TRIOBP: variants seen among roughly 807,000 people sequenced by gnomAD.
TRIOBP encodes TRIO and F-actin binding protein, also known as TRIO and F-actin-binding protein.
Under a neutral mutation model 238.8 loss-of-function variants are expected in TRIOBP, and 169 were observed. That is an observed-to-expected ratio of 0.71 (90% CI 0.62 to 0.80). The LOEUF is 0.80. Among genes scored for constraint, TRIOBP ranks in the 30% least tolerant of loss-of-function variants. The pLI is 0.00. For synonymous variants in TRIOBP, 1,150 were observed against 1,274.4 expected (o/e 0.90, Z 2.08); for missense variants, 2,838 against 3,122.6 (o/e 0.91, Z 2.17).
intron 8 of TRIOBP, 123 bp downstream of exon 8, chr22:37,733,535 A>T: frequency 4.0e-6 from 3 of 746,590 alleles, no homozygotes; most frequent in Non-Finnish European, 2.3e-6. Context: ...TCGGAGTCCA[A>T]TCATGGGGAT....
intron 7 of TRIOBP, among the ~76,000 whole-genome samples, chr22:37,728,377 T>G (rs1407358730): frequency 6.6e-6 from 1 of 151,958 alleles, no homozygotes; most frequent in Non-Finnish European, 1.5e-5. Flanking sequence ...GAGTTTGCAG[T>G]GAGCTGAGAT....
chr22:37,768,941 T>C, intron 19 of TRIOBP, 87 bp from the exon 20 acceptor site: 1 of 1,595,474 alleles, frequency 6.3e-7, no homozygotes, highest in South Asian at 1.1e-5. Flanking sequence ...CCCAGAGTCC[T>C]GGGATGCTTT....
At chr22:37,759,874 A>G (rs1184269179) in intron 17 of TRIOBP, 5 of 611,576 alleles carry the variant, frequency 8.2e-6, no homozygotes, top group African/African-American at 1.9e-5. Context: ...GTACACATAT[A>G]TAAGTTTATT....
rs1926914402 is a variant in TRIOBP, at chr22:37,773,939, GAC to G, written c.*165_*166del. ...ACACACACACACACACACACACACA[GAC>G]ACACAGACACATACGCACACACGTG... On this transcript the variant is annotated 3_prime_UTR_variant, in exon 24 of 24. Coordinates refer to ENST00000644935, the MANE Select transcript of TRIOBP (RefSeq NM_001039141.3). 3.5e-5 allele frequency: 3 copies of G among 86,954 alleles called. No homozygotes were observed. The highest frequency in any genetic ancestry group is 2.9e-4 in the East Asian group (1 of 3,470). The allele number at this position is 86,954 out of a possible 1,614,324, so 5.4% of individuals were successfully genotyped here.
chr22:37,715,888 C>G lies in TRIOBP; in HGVS notation c.582C>G (p.Leu194=). The G allele has an allele frequency of 6.2e-7, 1 of 1,613,666 alleles. No individual in the cohort carries two copies. The highest frequency in any genetic ancestry group is 8.5e-7 in the Non-Finnish European group (1 of 1,179,896). Residue 194 remains leucine, a synonymous_variant, in exon 6 of 24, where the codon CTC becomes CTG. Transcript: ENST00000644935. ...GCTCCCAAAGGGCTCCGTCTCTCCT[C>G]ACCAGGTCCCCTGTGGGAGGAGATG... ...ADSSQRAPSL[L]TRSPVGGDAA...
chr22:37,704,381 TCAGAACAGAACAGAA>T (rs71195040), intron 3 of TRIOBP, among the ~76,000 whole-genome samples: 2,195 of 137,768 alleles, frequency 0.016, 76 homozygotes, highest in African/African-American at 0.06. Flanking sequence ...GGACCCTGAC[TCAGAACAGAACAGAA>T]CAGAACAGAA....
chr22:37,723,692 G>T lies in TRIOBP; in HGVS notation c.1136G>T (p.Arg379Met), dbSNP rs1923952741. ...PTCTPQRENP[R>M]TPCVQQDDPR... ...TGTACTCCCCAGCGGGAAAACCCCA[G>T]GACACCCTGTGTCCAGCAGGACGAT... The change falls in exon 7 of 24, where the codon AGG becomes ATG. Residue 379 changes from arginine to methionine, a missense_variant. Arg to Met is a moderately conservative substitution (Grantham distance 91). Transcript: ENST00000644935. 2 of 1,613,464 alleles carry T rather than the reference G, an allele frequency of 1.2e-6. No homozygotes were observed. The highest frequency in any genetic ancestry group is 1.7e-6 in the Non-Finnish European group (2 of 1,179,860).
intron 9 of TRIOBP, among the ~76,000 whole-genome samples, chr22:37,736,644 T>C (rs58847779): frequency 0.043 from 6,614 of 152,308 alleles, 184 homozygotes; most frequent in Middle Eastern, 0.082. Flanking sequence ...ATTTACTTAT[T>C]GAGACGGAGT....
intron 6 of TRIOBP, among the ~76,000 whole-genome samples, chr22:37,717,293 G>A (rs1308810652): frequency 3.3e-5 from 5 of 152,178 alleles, no homozygotes; most frequent in Non-Finnish European, 7.4e-5. Flanking sequence ...AAGGCAGTGT[G>A]GACCCAAAGA....
intron 6 of TRIOBP, among the ~76,000 whole-genome samples, chr22:37,720,381 T>C (rs561482603): frequency 2.0e-5 from 3 of 152,228 alleles, no homozygotes; most frequent in South Asian, 4.1e-4. Context: ...TCTACTAATA[T>C]CCTTTTTCTG....
rs1569062592 is a variant in TRIOBP, at chr22:37,767,245, CGTCTCCTGGGTG to C, written c.6473-828_6473-817del. 1.5e-4 allele frequency among the ~76,000 whole-genome samples: 12 copies of C among 79,012 alleles called. No individual in the cohort carries two copies. The East Asian group carries it at 8.3e-3, about 55-fold the overall frequency. 51.8% of individuals were successfully genotyped at this position (79,012 alleles called of 152,430 possible). ...CAGCCTGGGTGACAGAGTGAGACTC[CGTCTCCTGGGTG>C]ACAGAGTGAGACTCCGTCTCCTGGG... On this transcript the variant is annotated intron_variant, in intron 18 of 23. Transcript: ENST00000644935.
At chr22:37,736,419 T>G (rs1464549670) in intron 9 of TRIOBP, among the ~76,000 whole-genome samples, 1 of 152,094 alleles carries the variant, frequency 6.6e-6, no homozygotes, top group East Asian at 1.9e-4. Context: ...TGCCCCAGGA[T>G]GAGCAGGGCT....
chr22:37,705,300 A>G (rs953004738), intron 3 of TRIOBP, among the ~76,000 whole-genome samples: 4 of 151,592 alleles, frequency 2.6e-5, no homozygotes, highest in East Asian at 2.0e-4. Flanking sequence ...TCTTGAACCC[A>G]GGAGGCAGAG....
chr22:37,709,519 C>T (rs1601620355), intron 3 of TRIOBP, among the ~76,000 whole-genome samples: 2 of 152,304 alleles, frequency 1.3e-5, no homozygotes, highest in East Asian at 1.9e-4. Flanking sequence ...GGGCCTGAGC[C>T]GGAGCCCCCC....
chr22:37,765,887 CTG>C, intron 18 of TRIOBP, 70 bp downstream of exon 18: 1 of 1,504,236 alleles, frequency 6.6e-7, no homozygotes, highest in South Asian at 1.2e-5. Context: ...CCTAGCCAAA[CTG>C]GGGAGGATTT....
At chr22:37,759,613 G>T (rs1023385062) in intron 17 of TRIOBP, 2 of 1,552,018 alleles carry the variant, frequency 1.3e-6, no homozygotes, top group African/African-American at 1.4e-5. Context: ...GAAGTGGGGG[G>T]CTAGTGGCCC....
In TRIOBP at chr22:37,732,916, C is replaced by T. The variant is rs190833511; in HGVS notation, c.3948-382C>T. On this transcript the variant is annotated intron_variant, in intron 7 of 23. Transcript: ENST00000644935. ...TAGGTGCTCAATAAATCTTAATTCC[C>T]GCAAAGACCAGTCTAACCTTTGTCT... Among the ~76,000 whole-genome samples, 6 of 152,352 alleles carry T rather than the reference C, an allele frequency of 3.9e-5. No individual in the cohort carries two copies. The East Asian group carries it at 7.7e-4, about 20-fold the overall frequency.
At chr22:37,697,443 G>A (rs1922406607) in intron 1 of TRIOBP, 145 bp from the exon 2 acceptor site, 1 of 152,164 alleles carries the variant, frequency 6.6e-6, no homozygotes, top group Non-Finnish European at 1.5e-5. Context: ...GGACGGGCGG[G>A]GCCGATGCGC....
chr22:37,732,966 G>A (rs1050918236), intron 7 of TRIOBP, among the ~76,000 whole-genome samples: 2 of 152,232 alleles, frequency 1.3e-5, no homozygotes, highest in Non-Finnish European at 2.9e-5. Context: ...GGCTGCTGGT[G>A]GGGTGGTGGT....
Sources: gnomAD v4.1 joint callset for allele counts (sites outside exome capture counted in the v4.1 genomes callset) on GRCh38, gnomAD v4.1.1 for gene constraint, MANE v1.5 for transcripts, NCBI Gene and HGNC (gene_info 2026-07-23, HGNC 2026-07-21) for gene names.